TES: variants seen among roughly 807,000 people sequenced by gnomAD.
TES encodes testin.
In TES, 41 loss-of-function variants were observed where a neutral mutation model predicts 48.2. The ratio of observed to expected loss-of-function variants is 0.85; its 90% confidence interval spans 0.66 to 1.10. The LOEUF (loss-of-function observed/expected upper bound fraction) is 1.10. Ranked by LOEUF, TES falls within the 50% of genes least tolerant of loss-of-function variation. The pLI, the probability that TES is intolerant of heterozygous loss-of-function variation, is 0.00. For missense variants in TES, 463 were observed against 515.1 expected, an observed-to-expected ratio of 0.90 and a Z score of 0.98; for synonymous variants, 162 against 174.9, an observed-to-expected ratio of 0.93 and a Z score of 0.58.
intron 1 of TES, among the ~76,000 whole-genome samples, chr7:116,234,237 G>T (rs1799736767): frequency 6.6e-6 from 1 of 152,130 alleles, no homozygotes; most frequent in South Asian, 2.1e-4. Flanking sequence ...TATGGGGCAA[G>T]TAGTGGCCAA....
intron 3 of TES, 124 bp downstream of exon 3, chr7:116,249,396 T>A: frequency 8.7e-7 from 1 of 1,151,698 alleles, no homozygotes; most frequent in Non-Finnish European, 1.2e-6. Context: ...GGGTTCTCAT[T>A]ACTTTGACTT....
At chr7:116,253,738 T>A (rs1433690148) in intron 6 of TES, among the ~76,000 whole-genome samples, 2 of 152,126 alleles carry the variant, frequency 1.3e-5, no homozygotes, top group Non-Finnish European at 2.9e-5. Context: ...ACACATTTAT[T>A]CCTTTAGATT....
At chr7:116,244,882 G>A (rs1039101667) in intron 2 of TES, among the ~76,000 whole-genome samples, 2 of 152,230 alleles carry the variant, frequency 1.3e-5, no homozygotes, top group Admixed American at 1.3e-4. Context: ...CCGTATGGAA[G>A]CTGCCAAGGC....
intron 1 of TES, among the ~76,000 whole-genome samples, chr7:116,218,634 ACT>A (rs1799521518): frequency 6.6e-6 from 1 of 152,084 alleles, no homozygotes; most frequent in African/African-American, 2.4e-5. Flanking sequence ...AAAACTACAG[ACT>A]CTAAACTCCA....
At chr7:116,234,671 C>T (rs753024270) in intron 2 of TES, 52 bp downstream of exon 2, 3 of 1,438,222 alleles carry the variant, frequency 2.1e-6, no homozygotes, top group South Asian at 1.2e-5. Flanking sequence ...TTTTGCAATA[C>T]TTCCTCAGAC....
chr7:116,219,950 T>G (rs1261348753), intron 1 of TES, among the ~76,000 whole-genome samples: 2 of 152,158 alleles, frequency 1.3e-5, no homozygotes, highest in African/African-American at 4.8e-5. Context: ...CTTTTTTTAA[T>G]CTGGTCACTC....
chr7:116,247,574 G>T (rs565061691), intron 2 of TES, among the ~76,000 whole-genome samples: 1 of 151,748 alleles, frequency 6.6e-6, no homozygotes, highest in South Asian at 2.1e-4. Flanking sequence ...TTCTTTCAGT[G>T]AATTCATTGA....
intron 1 of TES, among the ~76,000 whole-genome samples, chr7:116,215,767 T>C (rs937224989): frequency 7.2e-5 from 11 of 152,150 alleles, no homozygotes; most frequent in African/African-American, 2.7e-4. Flanking sequence ...AGCTCTGCAG[T>C]TGAGAGAAAG....
Position 116,249,016 on chromosome 7 carries a change from AT to A in TES, c.114-3del. 6.4e-7 allele frequency: 1 copy of A among 1,570,792 alleles called. No individual in the cohort carries two copies. Among genetic ancestry groups the A allele is most frequent in the Non-Finnish European group, 8.6e-7 (1 of 1,161,510 alleles). ...TCATTTTCTACTTATTTTCAAAATT[AT>A]AGAAAAATATGTCGTAACTGCAAGT... On this transcript the variant is annotated splice_polypyrimidine_tract_variant and splice_region_variant and intron_variant, in intron 2 of 6. Transcript: ENST00000358204.
rs2116596478 is a variant in TES at position 116,234,410 on chromosome 7, A to C, written c.28-124A>C. 9.1e-6 allele frequency: 7 copies of C among 767,066 alleles called. No homozygotes were observed. In the South Asian group the frequency reaches 1.2e-4, roughly 13 times the overall value. The allele number at this position is 767,066 out of a possible 1,614,324, so 47.5% of individuals were successfully genotyped here. On this transcript the variant is annotated intron_variant, in intron 1 of 6. Transcript: ENST00000358204. ...CATACCTGGGTATCATCATTGACTA[A>C]ATATAAGATTTGTTTGAAAGTTATC...
At chr7:116,242,504 C>CCT (rs1277068828) in intron 2 of TES, among the ~76,000 whole-genome samples, 14 of 128,766 alleles carry the variant, frequency 1.1e-4, no homozygotes, top group Non-Finnish European at 1.9e-4. Flanking sequence ...CTCTTCACCA[C>CCT]CTATCTCTCT....
intron 2 of TES, among the ~76,000 whole-genome samples, chr7:116,247,117 A>G (rs945134508): frequency 3.9e-5 from 6 of 152,134 alleles, no homozygotes; most frequent in African/African-American, 1.4e-4. Flanking sequence ...CAGAGAGCAC[A>G]TGGTAGGTGG....
chr7:116,223,569 G>A lies in TES; in HGVS notation c.28-10965G>A, dbSNP rs145505465. Among the ~76,000 whole-genome samples the A allele has an allele frequency of 6.3e-3, 964 of 152,230 alleles. 9 individuals are homozygous for A. Among genetic ancestry groups the A allele is most frequent in the Non-Finnish European group, 0.011 (721 of 68,006 alleles). On this transcript the variant is annotated intron_variant, in intron 1 of 6. Coordinates refer to ENST00000358204, the MANE Select transcript of TES (RefSeq NM_015641.4). ...TGTGTGTATGTGTGTGTACCCAAGTGTGTGTAACTATATATTGAGAAAGAA... is the reference window on the plus strand; with the variant it reads ...TGTGTGTATGTGTGTGTACCCAAGTATGTGTAACTATATATTGAGAAAGAA...
At chr7:116,228,800 A>C (rs1460092739) in intron 1 of TES, among the ~76,000 whole-genome samples, 1 of 151,940 alleles carries the variant, frequency 6.6e-6, no homozygotes, top group Non-Finnish European at 1.5e-5. Context: ...CATGATTTGC[A>C]ATAAAATTAA....
chr7:116,250,404 A>T lies in TES; in HGVS notation c.610A>T (p.Lys204Ter), dbSNP rs759370934. The change falls in exon 4 of 7, where the codon AAA (lysine) becomes TAA (stop). Residue 204 changes from lysine to a stop codon, truncating the protein, a stop_gained. Transcript: ENST00000358204. LOFTEE classifies it high-confidence loss of function. ...CTGTGAGATGGATGCCCAAGGCCCC[A>T]AACAAATGAACATTCCTGGAGGGGA... ...LPCEMDAQGPKQMNIPGGDRS... is the reference protein window; with the variant it reads ...LPCEMDAQGP 4 of 1,613,770 alleles carry T rather than the reference A, an allele frequency of 2.5e-6. No individual in the cohort carries two copies. Among genetic ancestry groups the T allele is most frequent in the Non-Finnish European group, 3.4e-6 (4 of 1,179,802 alleles).
chr7:116,224,752 T>C (rs1169509605), intron 1 of TES, among the ~76,000 whole-genome samples: 1 of 152,182 alleles, frequency 6.6e-6, no homozygotes, highest in Non-Finnish European at 1.5e-5. Context: ...ATGGAGGAAT[T>C]CCTGCCTAGC....
intron 5 of TES, 84 bp downstream of exon 5, chr7:116,252,059 C>A: frequency 1.5e-6 from 2 of 1,377,734 alleles, no homozygotes; most frequent in Non-Finnish European, 2.1e-6. Flanking sequence ...CAAGACTTGA[C>A]CAAACAGCAG....
chr7:116,226,392 T>C (rs1799621343), intron 1 of TES, among the ~76,000 whole-genome samples: 1 of 152,130 alleles, frequency 6.6e-6, no homozygotes, highest in Non-Finnish European at 1.5e-5. Flanking sequence ...ATTGAGTCTG[T>C]GGGCCCAGTA....
chr7:116,246,947 C>CCTT (rs1554438689), intron 2 of TES, among the ~76,000 whole-genome samples: 6 of 131,472 alleles, frequency 4.6e-5, no homozygotes, highest in African/African-American at 1.7e-4. Context: ...GACTAGGCCC[C>CCTT]TTTTTTTTTT....
Sources: allele counts gnomAD v4.1 joint callset (sites outside exome capture counted in the v4.1 genomes callset), GRCh38; gene constraint gnomAD v4.1.1; transcripts MANE v1.5; gene names NCBI Gene and HGNC (gene_info 2026-07-23, HGNC 2026-07-21).